Variants in CNPY1 observed in about 807,000 individuals in gnomAD.
CNPY1 encodes the protein protein canopy homolog 1.
Under a neutral mutation model 14.4 loss-of-function variants are expected in CNPY1, and 14 were observed. The ratio of observed to expected loss-of-function variants is 0.97; its 90% CI spans 0.64 to 1.52. CNPY1 has a LOEUF of 1.52. Among genes scored for constraint, CNPY1 ranks in the 40% most tolerant of loss-of-function variants. The pLI is 0.00. For synonymous variants in CNPY1, 43 were observed against 46.5 expected (o/e 0.92, Z 0.31); for missense variants, 129 against 131.5 (o/e 0.98, Z 0.09).
intron 3 of CNPY1, among the ~76,000 whole-genome samples, chr7:155,507,435 T>TATCGAAGG (rs1009525713): frequency 4.2e-5 from 5 of 117,670 alleles, no homozygotes; most frequent in Non-Finnish European, 3.2e-5. Flanking sequence ...ATGGACCTCC[T>TATCGAAGG]ATCGAAGGAG....
intron 2 of CNPY1, among the ~76,000 whole-genome samples, chr7:155,535,755 C>A (rs540099337): frequency 6.6e-6 from 1 of 152,296 alleles, no homozygotes; most frequent in East Asian, 1.9e-4. Flanking sequence ...GACTCATTTG[C>A]AGCTGGAGGG....
At chr7:155,520,901 C>T (rs1275419598) in intron 2 of CNPY1, among the ~76,000 whole-genome samples, 1 of 151,962 alleles carries the variant, frequency 6.6e-6, no homozygotes, top group Non-Finnish European at 1.5e-5. Context: ...CCGAGGCAGG[C>T]GGATCACTTG....
intron 2 of CNPY1, among the ~76,000 whole-genome samples, chr7:155,514,890 G>A (rs556850514): frequency 1.3e-3 from 201 of 152,034 alleles, no homozygotes; most frequent in Non-Finnish European, 2.6e-3. Flanking sequence ...GCAAAACTCT[G>A]TCTCAAAAAA....
At chr7:155,527,061 T>C (rs1357488342) in intron 2 of CNPY1, among the ~76,000 whole-genome samples, 21 of 139,370 alleles carry the variant, frequency 1.5e-4, no homozygotes, top group South Asian at 2.3e-4. Context: ...TTTCTTTTTT[T>C]TTTTTTTTTT....
chr7:155,540,741 CCA>C (rs1361048241), intron 2 of CNPY1, among the ~76,000 whole-genome samples: 1 of 152,208 alleles, frequency 6.6e-6, no homozygotes, highest in Non-Finnish European at 1.5e-5. Context: ...CATCCTGTAT[CCA>C]GTGACTGGAG....
chr7:155,503,161 T>A, intron 4 of CNPY1, 56 bp from the exon 5 acceptor site: 1 of 1,340,834 alleles, frequency 7.5e-7, no homozygotes, highest in Non-Finnish European at 1.0e-6. Context: ...TCCAGCCCGT[T>A]AAGTCATTTA....
At chr7:155,509,441 GTTA>G (rs1312047793) in intron 2 of CNPY1, among the ~76,000 whole-genome samples, 1 of 152,150 alleles carries the variant, frequency 6.6e-6, no homozygotes, top group East Asian at 1.9e-4. Flanking sequence ...GAAAATGGCA[GTTA>G]TTATCCATCT....
At chr7:155,544,696 T>C (rs1797138410) in intron 2 of CNPY1, among the ~76,000 whole-genome samples, 1 of 151,964 alleles carries the variant, frequency 6.6e-6, no homozygotes, top group Admixed American at 6.6e-5. Flanking sequence ...CAAAGGACCT[T>C]GAGATTCCGG....
At chr7:155,513,342 C>T (rs978351904) in intron 2 of CNPY1, among the ~76,000 whole-genome samples, 5 of 152,138 alleles carry the variant, frequency 3.3e-5, no homozygotes, top group African/African-American at 9.7e-5. Flanking sequence ...CCACATATAA[C>T]GGAATTAATA....
intron 4 of CNPY1, among the ~76,000 whole-genome samples, chr7:155,504,509 G>A (rs1027173636): frequency 2.0e-5 from 3 of 151,980 alleles, no homozygotes; most frequent in Admixed American, 1.3e-4. Context: ...TATAAACAAG[G>A]TGTATGTAAA....
At chr7:155,527,307 C>G (rs149874754) in intron 2 of CNPY1, among the ~76,000 whole-genome samples, 1 of 151,514 alleles carries the variant, frequency 6.6e-6, no homozygotes, top group Non-Finnish European at 1.5e-5. Context: ...GGTGTCTGAG[C>G]GACTGCAGTG....
intron 2 of CNPY1, among the ~76,000 whole-genome samples, chr7:155,529,891 TC>T (rs971691355): frequency 1.3e-5 from 2 of 152,088 alleles, no homozygotes; most frequent in African/African-American, 4.8e-5. Flanking sequence ...CAAGCGATTC[TC>T]ATGCCTCAGC....
At chr7:155,512,784 C>T (rs1318982845) in intron 2 of CNPY1, among the ~76,000 whole-genome samples, 1 of 152,202 alleles carries the variant, frequency 6.6e-6, no homozygotes, top group African/African-American at 2.4e-5. Flanking sequence ...TTTCACTCAT[C>T]TTTATCGTTA....
At position 155,540,288 on chromosome 7, in the gene CNPY1, C is replaced by G. The variant is rs78400034; in HGVS notation, c.99+5543G>C. On this transcript the variant is annotated intron_variant, in intron 2 of 4. Transcript: ENST00000636446. ...TCCAATGTCCTTTAATTCAAGTGCT[C>G]GGCTTTGCCAAAGCACCGTGCACTG... Among the ~76,000 whole-genome samples the G allele has an allele frequency of 7.2e-5, 11 of 152,262 alleles. No homozygotes were observed. The East Asian group carries it at 1.9e-3, about 27-fold the overall frequency.
intron 2 of CNPY1, among the ~76,000 whole-genome samples, chr7:155,526,226 G>A (rs6963212): frequency 0.036 from 5,503 of 152,272 alleles, 306 homozygotes; most frequent in African/African-American, 0.12. Flanking sequence ...ACTCAGTGTG[G>A]GGGAGCAAGG....
intron 4 of CNPY1, among the ~76,000 whole-genome samples, chr7:155,504,719 CACACACACAG>C (rs1285607665): frequency 5.1e-5 from 7 of 136,872 alleles, no homozygotes; most frequent in Admixed American, 7.6e-5. Flanking sequence ...CACACACACA[CACACACACAG>C]TCACATCTTT....
rs756730001 is a variant in CNPY1 at position 155,501,153 on chromosome 7, A to C, written c.*1915T>G. The C allele has an allele frequency of 5.9e-5, 9 of 152,214 alleles. No individual in the cohort carries two copies. Among genetic ancestry groups the C allele is most frequent in the Non-Finnish European group, 1.2e-4 (8 of 68,022 alleles). The allele number at this position is 152,214 out of a possible 1,614,324, so 9.4% of individuals were successfully genotyped here. Reference sequence around the variant, plus strand: ...ATTTGCAAGATACAAGACTATTTTTAATGGGAAATCCAAGAAAAAAACCTG... The same window carrying C: ...ATTTGCAAGATACAAGACTATTTTTCATGGGAAATCCAAGAAAAAAACCTG... On this transcript the variant is annotated 3_prime_UTR_variant, in exon 5 of 5. Transcript: ENST00000636446.
chr7:155,540,794 ACTCCAG>A (rs1797075895), intron 2 of CNPY1, among the ~76,000 whole-genome samples: 1 of 151,782 alleles, frequency 6.6e-6, no homozygotes, highest in East Asian at 1.9e-4. Flanking sequence ...GAGCCCCTCG[ACTCCAG>A]CTCCCTGACC....
chr7:155,515,258 A>T (rs938048528), intron 2 of CNPY1, among the ~76,000 whole-genome samples: 1 of 148,926 alleles, frequency 6.7e-6, no homozygotes, highest in African/African-American at 2.5e-5. Flanking sequence ...GTCCCTGCTC[A>T]TCTGGCCTCC....
Sources: allele counts gnomAD v4.1 joint callset (sites outside exome capture counted in the v4.1 genomes callset), GRCh38; gene constraint gnomAD v4.1.1; transcripts MANE v1.5; gene names NCBI Gene and HGNC (gene_info 2026-07-23, HGNC 2026-07-21).